Variants in INSC observed in about 807,000 individuals in gnomAD.
INSC encodes protein inscuteable homolog.
INSC carries 67 observed loss-of-function variants against 58.6 expected under a neutral mutation model. The ratio of observed to expected loss-of-function variants is 1.14; its 90% CI spans 0.94 to 1.40. The LOEUF (loss-of-function observed/expected upper bound fraction) is 1.40, where lower values mean the gene tolerates loss of function less well. INSC is among the 40% of genes most tolerant of loss of function. The pLI is 0.00. For synonymous variants in INSC, 262 were observed against 276.1 expected (o/e 0.95, Z 0.51); for missense variants, 714 against 692.0 (o/e 1.03, Z -0.36).
chr11:15,263,620 A>G, the INSC span, among the ~76,000 whole-genome samples: 184 of 152,288 alleles, frequency 1.2e-3, no homozygotes, highest in Non-Finnish European at 1.9e-3. Context: ...AAGTTATCAC[A>G]AAATTTTCAG....
At chr11:15,115,754 G>A (rs1259265803) in intron 1 of INSC, among the ~76,000 whole-genome samples, 1 of 152,152 alleles carries the variant, frequency 6.6e-6, no homozygotes, top group Non-Finnish European at 1.5e-5. Context: ...TCCTGTCCAT[G>A]TGCACCAGTC....
At chr11:15,174,908 A>G (rs1400185906) in intron 2 of INSC, among the ~76,000 whole-genome samples, 2 of 152,210 alleles carry the variant, frequency 1.3e-5, no homozygotes, top group Non-Finnish European at 2.9e-5. Context: ...CTCAACAAAT[A>G]TACAATGCTT....
the INSC span, among the ~76,000 whole-genome samples, chr11:15,264,258 A>C: frequency 1.6e-5 from 2 of 128,644 alleles, no homozygotes; most frequent in African/African-American, 6.0e-5. Context: ...AGAACCTCAA[A>C]TTCTTCTCAT....
At chr11:15,118,956 ACACAG>A (rs1414819993) in intron 1 of INSC, among the ~76,000 whole-genome samples, 1 of 152,254 alleles carries the variant, frequency 6.6e-6, no homozygotes, top group Admixed American at 6.5e-5. Context: ...GGAAACAGAA[ACACAG>A]CAAGGCTAAA....
chr11:15,201,581 C>A (rs1011924869), intron 7 of INSC, among the ~76,000 whole-genome samples: 1 of 152,206 alleles, frequency 6.6e-6, no homozygotes, highest in Non-Finnish European at 1.5e-5. Context: ...CTGACCCCTT[C>A]CCTGGTTGTG....
chr11:15,264,590 C>T, the INSC span, among the ~76,000 whole-genome samples: 1 of 150,436 alleles, frequency 6.6e-6, no homozygotes, highest in Non-Finnish European at 1.5e-5. Flanking sequence ...AAATTCTTCT[C>T]ATGCTTGGAA....
the INSC span, among the ~76,000 whole-genome samples, chr11:15,258,366 TG>T: frequency 6.6e-6 from 1 of 152,172 alleles, no homozygotes; most frequent in African/African-American, 2.4e-5. Flanking sequence ...AACAGATAGC[TG>T]GCATAGAGAG....
In INSC at chr11:15,238,921, G is replaced by A; in HGVS notation, c.1240G>A (p.Val414Ile). Residue 414 changes from valine (V) to isoleucine (I), a missense_variant and splice_region_variant, in exon 11 of 13, where the codon GTC becomes ATC. Val to Ile is a conservative substitution (Grantham distance 29). Coordinates refer to ENST00000379556, the MANE Select transcript of INSC (RefSeq NM_001042536.3). ...CASDIIQENGVQLIMGMLSEK... is the reference protein window; with the variant it reads ...CASDIIQENGIQLIMGMLSEK... The stretch of plus-strand genomic sequence containing the variant: ...ACTGTTCCTTGCTTCCTGCCTAGGG[G>A]TCCAGCTTATCATGGGCATGCTGTC... The A allele has an allele frequency of 4.3e-6, 7 of 1,613,814 alleles. No homozygotes were observed. Among genetic ancestry groups the A allele is most frequent in the Non-Finnish European group, 5.9e-6 (7 of 1,179,806 alleles).
chr11:15,150,603 A>T (rs1655034809), intron 2 of INSC, among the ~76,000 whole-genome samples: 1 of 152,200 alleles, frequency 6.6e-6, no homozygotes, highest in South Asian at 2.1e-4. Flanking sequence ...AATAAATAGC[A>T]GCACAAAGGG....
intron 6 of INSC, among the ~76,000 whole-genome samples, chr11:15,194,290 G>A (rs61020592): frequency 0.021 from 3,236 of 152,208 alleles, 113 homozygotes; most frequent in African/African-American, 0.073. Context: ...TATGTCCTTC[G>A]GTAGACTTAA....
chr11:15,121,607 G>T (rs75253234), intron 1 of INSC, among the ~76,000 whole-genome samples: 4,991 of 152,246 alleles, frequency 0.033, 288 homozygotes, highest in African/African-American at 0.11. Flanking sequence ...TAAGTAATTT[G>T]TAGTGAGATA....
intron 5 of INSC, 31 bp downstream of exon 5, chr11:15,178,478 G>T: frequency 6.2e-7 from 1 of 1,600,208 alleles, no homozygotes. Flanking sequence ...AGGGAGGGGT[G>T]CTTGTGTGGA....
rs543491329 is a variant in INSC at position 15,222,187 on chromosome 11, C to T, written c.991+539C>T. 3.9e-5 allele frequency among the ~76,000 whole-genome samples: 6 copies of T among 152,294 alleles called. No homozygotes were observed. In the South Asian group the frequency reaches 1.2e-3, roughly 32 times the overall value. The stretch of plus-strand genomic sequence containing the variant: ...CCTATTCAAACATATGTACCCCCAG[C>T]AGGAGAATCATAGATCCGTATCTAA... On this transcript the variant is annotated intron_variant, in intron 8 of 12. Transcript: ENST00000379556.
intron 1 of INSC, among the ~76,000 whole-genome samples, chr11:15,142,803 T>G (rs767413333): frequency 4.6e-5 from 7 of 152,062 alleles, no homozygotes; most frequent in Non-Finnish European, 8.8e-5. Flanking sequence ...TTCTTTTTTT[T>G]TTTGTTTTTT....
Position 15,154,392 on chromosome 11 carries a change from T to C in INSC, c.56+5162T>C, listed in dbSNP as rs1848742979. On this transcript the variant is annotated intron_variant, in intron 2 of 12. Transcript: ENST00000379556. Reference sequence around the variant, plus strand: ...CATTTTTTTAGTATAAAATTGCTGTTTGGAGGGAAAGGGTAAGCCAGAGAT... The same window carrying C: ...CATTTTTTTAGTATAAAATTGCTGTCTGGAGGGAAAGGGTAAGCCAGAGAT... Among the ~76,000 whole-genome samples, 3 of 152,218 alleles carry C rather than the reference T, an allele frequency of 2.0e-5. No homozygotes were observed. In the South Asian group the frequency reaches 6.2e-4, roughly 32 times the overall value.
At chr11:15,255,489 A>G in the INSC span, among the ~76,000 whole-genome samples, 957 of 152,330 alleles carry the variant, frequency 6.3e-3, 11 homozygotes, top group African/African-American at 0.022. Flanking sequence ...AAGACAAATC[A>G]AAGTGGATGC....
chr11:15,242,447 A>G (rs1852391056), intron 12 of INSC, among the ~76,000 whole-genome samples: 1 of 152,082 alleles, frequency 6.6e-6, no homozygotes, highest in Admixed American at 6.5e-5. Flanking sequence ...TTTCCTAATG[A>G]CAGTTTATAA....
At chr11:15,235,508 G>A in intron 9 of INSC, 94 bp from the exon 10 acceptor site, 2 of 927,662 alleles carry the variant, frequency 2.2e-6, no homozygotes, top group Non-Finnish European at 3.6e-6. Context: ...CGGGATAAAA[G>A]GAAGCTTTGT....
intron 9 of INSC, among the ~76,000 whole-genome samples, chr11:15,228,371 C>A (rs1234145772): frequency 6.6e-6 from 1 of 152,174 alleles, no homozygotes; most frequent in African/African-American, 2.4e-5. Flanking sequence ...AATGTGGTTG[C>A]GCTGCCAGCA....
Sources: allele counts gnomAD v4.1 joint callset (sites outside exome capture counted in the v4.1 genomes callset), GRCh38; gene constraint gnomAD v4.1.1; transcripts MANE v1.5; gene names NCBI Gene and HGNC (gene_info 2026-07-23, HGNC 2026-07-21).